Variants in CNTNAP2 observed in about 807,000 individuals in gnomAD.
CNTNAP2 encodes contactin associated protein 2.
A neutral mutation model predicts 155.2 loss-of-function variants in CNTNAP2; 98 were observed. The ratio of observed to expected loss-of-function variants is 0.63; its 90% CI spans 0.54 to 0.75. The LOEUF is 0.75. Ranked by LOEUF, CNTNAP2 falls within the 30% of genes least tolerant of loss-of-function variation. The pLI is 0.00. For synonymous variants in CNTNAP2, 651 were observed against 631.2 expected, an observed-to-expected ratio of 1.03 and a Z score of -0.47; for missense variants, 1,727 against 1,688.1, an observed-to-expected ratio of 1.02 and a Z score of -0.40.
chr7:146,949,552 T>C (rs1426862233), intron 3 of CNTNAP2, among the ~76,000 whole-genome samples: 1 of 152,214 alleles, frequency 6.6e-6, no homozygotes, highest in African/African-American at 2.4e-5. Flanking sequence ...ACAAATTTCC[T>C]GAGGTTCTAG....
intron 5 of CNTNAP2, among the ~76,000 whole-genome samples, chr7:147,120,479 T>A (rs1801083128): frequency 6.6e-6 from 1 of 152,164 alleles, no homozygotes. Context: ...TACCAAAATT[T>A]AGCAGAATTC....
chr7:147,813,972 G>A lies in CNTNAP2; in HGVS notation c.2099-89593G>A, dbSNP rs556060975. 2.0e-5 allele frequency among the ~76,000 whole-genome samples: 3 copies of A among 152,160 alleles called. No homozygotes were observed. In the South Asian group the frequency reaches 6.3e-4, roughly 32 times the overall value. Reference sequence around the variant, plus strand: ...GACTAAAAAGTCGACAAGCTCAAAGGACAAAGTATTCAGGAACAATAGCTA... The same window carrying A: ...GACTAAAAAGTCGACAAGCTCAAAGAACAAAGTATTCAGGAACAATAGCTA... On this transcript the variant is annotated intron_variant, in intron 13 of 23. Transcript: ENST00000361727.
intron 1 of CNTNAP2, among the ~76,000 whole-genome samples, chr7:146,172,811 T>A (rs1351508625): frequency 6.6e-6 from 1 of 152,134 alleles, no homozygotes; most frequent in African/African-American, 2.4e-5. Context: ...CGCATTTTGT[T>A]TGGAATACAG....
chr7:147,290,029 A>G (rs1805266782), intron 8 of CNTNAP2, among the ~76,000 whole-genome samples: 1 of 152,204 alleles, frequency 6.6e-6, no homozygotes, highest in Admixed American at 6.5e-5. Flanking sequence ...ATATATAGTT[A>G]TGTTCTGTAT....
chr7:148,227,187 G>C (rs1563002586), intron 19 of CNTNAP2, among the ~76,000 whole-genome samples: 1 of 152,154 alleles, frequency 6.6e-6, no homozygotes, highest in Non-Finnish European at 1.5e-5. Context: ...AGTGTTCCCG[G>C]GAGGTGAATG....
chr7:146,182,469 T>C (rs972910895), intron 1 of CNTNAP2, among the ~76,000 whole-genome samples: 2 of 152,162 alleles, frequency 1.3e-5, no homozygotes, highest in African/African-American at 4.8e-5. Context: ...TTCTTTCTGG[T>C]TCATCACACT....
At chr7:147,348,757 C>G (rs1179759736) in intron 9 of CNTNAP2, among the ~76,000 whole-genome samples, 1 of 151,964 alleles carries the variant, frequency 6.6e-6, no homozygotes, top group East Asian at 1.9e-4. Context: ...TATCCAACAA[C>G]AGATGAATGA....
intron 3 of CNTNAP2, among the ~76,000 whole-genome samples, chr7:146,982,535 A>C (rs1323511018): frequency 1.3e-5 from 2 of 152,164 alleles, no homozygotes; most frequent in African/African-American, 4.8e-5. Flanking sequence ...CAGATGGAGA[A>C]GGGTATTTCT....
chr7:146,504,629 C>G (rs932362616), intron 1 of CNTNAP2, among the ~76,000 whole-genome samples: 2 of 152,192 alleles, frequency 1.3e-5, no homozygotes, highest in African/African-American at 4.8e-5. Context: ...ACGACACCTG[C>G]TCCAGGGATG....
intron 8 of CNTNAP2, among the ~76,000 whole-genome samples, chr7:147,284,760 AG>A (rs1301686632): frequency 3.3e-5 from 5 of 151,916 alleles, no homozygotes; most frequent in Non-Finnish European, 7.4e-5. Context: ...AACTACCAAA[AG>A]GGCAGTTGAC....
chr7:146,985,751 C>T (rs1387733181), intron 3 of CNTNAP2, among the ~76,000 whole-genome samples: 3 of 151,960 alleles, frequency 2.0e-5, no homozygotes, highest in Non-Finnish European at 4.4e-5. Context: ...ATAAAGAAAC[C>T]AGATATAGAA....
chr7:146,242,426 C>G (rs556781286), intron 1 of CNTNAP2, among the ~76,000 whole-genome samples: 1 of 151,882 alleles, frequency 6.6e-6, no homozygotes, highest in African/African-American at 2.4e-5. Context: ...GTAGTCCCAG[C>G]TACTCGGGAG....
chr7:146,215,630 T>A (rs192225042), intron 1 of CNTNAP2, among the ~76,000 whole-genome samples: 1,785 of 151,548 alleles, frequency 0.012, 19 homozygotes, highest in Non-Finnish European at 0.018. Flanking sequence ...ATATATATAT[T>A]TTTTTACTTG....
intron 3 of CNTNAP2, among the ~76,000 whole-genome samples, chr7:147,008,858 T>C (rs895110252): frequency 1.3e-5 from 2 of 151,954 alleles, no homozygotes; most frequent in South Asian, 4.1e-4. Flanking sequence ...CTTTTTCTGA[T>C]ACAAAAATTG....
chr7:148,148,047 G>T (rs1167213180), intron 17 of CNTNAP2, among the ~76,000 whole-genome samples: 1 of 140,834 alleles, frequency 7.1e-6, no homozygotes, highest in African/African-American at 2.5e-5. Flanking sequence ...TGGGGCACTT[G>T]TAACTGTGTG....
intron 1 of CNTNAP2, among the ~76,000 whole-genome samples, chr7:146,399,223 A>G (rs1795679335): frequency 6.6e-6 from 1 of 152,126 alleles, no homozygotes; most frequent in African/African-American, 2.4e-5. Context: ...TCAAATACAC[A>G]TTTTATTAAC....
At chr7:147,287,547 T>C (rs1404708) in intron 8 of CNTNAP2, among the ~76,000 whole-genome samples, 72,801 of 151,788 alleles carry the variant, frequency 0.48, 18,189 homozygotes, top group East Asian at 0.76. Flanking sequence ...TACTCCAAGG[T>C]TCAGCCTAAA....
intron 15 of CNTNAP2, among the ~76,000 whole-genome samples, chr7:147,996,460 C>A (rs983165825): frequency 6.6e-6 from 1 of 152,180 alleles, no homozygotes; most frequent in African/African-American, 2.4e-5. Flanking sequence ...TGGGGGCAGA[C>A]AGGCCTATGC....
intron 14 of CNTNAP2, among the ~76,000 whole-genome samples, chr7:147,920,103 A>G (rs1433935952): frequency 6.6e-6 from 1 of 151,538 alleles, no homozygotes; most frequent in Non-Finnish European, 1.5e-5. Context: ...TCATGCCTGT[A>G]ATCCCAGCAC....
Sources: gnomAD v4.1 joint callset for allele counts (sites outside exome capture counted in the v4.1 genomes callset) on GRCh38, gnomAD v4.1.1 for gene constraint, MANE v1.5 for transcripts, NCBI Gene and HGNC (gene_info 2026-07-23, HGNC 2026-07-21) for gene names.